The following NFAT5 variants were observed in gnomAD, a reference collection of about 807,000 sequenced individuals.
NFAT5 encodes the protein nuclear factor of activated T cells 5, also known as nuclear factor of activated T-cells 5.
A neutral mutation model predicts 166.5 loss-of-function variants in NFAT5; 31 were observed. That is an observed-to-expected ratio of 0.19 (90% CI 0.14 to 0.25). The LOEUF is 0.25. Among genes scored for constraint, NFAT5 ranks in the 10% least tolerant of loss-of-function variants. NFAT5 has a pLI of 1.00. For synonymous variants in NFAT5, 612 were observed against 639.7 expected (o/e 0.96, Z 0.65); for missense variants, 1,449 against 1,821.8 (o/e 0.80, Z 3.72).
chr16:69,583,446 C>G (rs1450563048), intron 2 of NFAT5, among the ~76,000 whole-genome samples: 1 of 152,030 alleles, frequency 6.6e-6, no homozygotes, highest in African/African-American at 2.4e-5. Flanking sequence ...AACTCTTGGC[C>G]TCAAGTGATC....
chr16:69,648,607 G>C, intron 4 of NFAT5: 1 of 983,696 alleles, frequency 1.0e-6, no homozygotes, highest in Non-Finnish European at 1.2e-6. Context: ...AATATTCACT[G>C]CTATAATGCA....
chr16:69,639,599 T>C (rs1368182015), intron 3 of NFAT5, among the ~76,000 whole-genome samples: 3 of 152,168 alleles, frequency 2.0e-5, no homozygotes, highest in Non-Finnish European at 4.4e-5. Flanking sequence ...ATCAAACATA[T>C]TATACAAAGT....
At chr16:69,568,426 G>T (rs964858354) in intron 1 of NFAT5, 69 bp from the exon 2 acceptor site, 9 of 1,044,482 alleles carry the variant, frequency 8.6e-6, no homozygotes, top group Non-Finnish European at 1.0e-5. Flanking sequence ...TATAAGAGAT[G>T]TATGCTATCC....
intron 9 of NFAT5, among the ~76,000 whole-genome samples, chr16:69,676,707 TAAAC>T (rs1356472373): frequency 1.3e-5 from 2 of 152,152 alleles, no homozygotes; most frequent in Non-Finnish European, 2.9e-5. Flanking sequence ...GTTATGGAAA[TAAAC>T]AAGATTATGT....
In NFAT5 at chr16:69,566,117, C is replaced by T. The variant is rs1475073213; in HGVS notation, c.-185C>T. 1.7e-5 allele frequency: 10 copies of T among 574,592 alleles called. No homozygotes were observed. The highest frequency in any genetic ancestry group is 2.7e-5 in the Non-Finnish European group (9 of 331,020). The allele number at this position is 574,592 out of a possible 1,614,324, so 35.6% of individuals were successfully genotyped here. A position where few individuals can be genotyped will look rare whatever the true frequency, so the allele number is the denominator to read the frequency against. ...AATCAGTCCCCGTGGAGTTCCCCCT[C>T]CACCTCGCCATCGTTTCCTCGGTCC... On this transcript the variant is annotated 5_prime_UTR_variant, in exon 1 of 15. Coordinates refer to ENST00000349945, the MANE Select transcript of NFAT5 (RefSeq NM_138713.4). The surrounding 1 kb of genome is among the most constrained non-coding windows in gnomAD (Gnocchi z 5.7).
chr16:69,570,121 AG>A (rs2016344744), intron 2 of NFAT5, among the ~76,000 whole-genome samples: 1 of 152,194 alleles, frequency 6.6e-6, no homozygotes, highest in East Asian at 1.9e-4. Flanking sequence ...ACAACCATTT[AG>A]CATGTTTATT....
intron 2 of NFAT5, among the ~76,000 whole-genome samples, chr16:69,599,695 A>G (rs1301018896): frequency 1.3e-5 from 2 of 152,236 alleles, no homozygotes; most frequent in Non-Finnish European, 1.5e-5. Context: ...TTGAACAGAC[A>G]TCTAAAGGAA....
At chr16:69,602,922 T>G (rs1466545393) in intron 2 of NFAT5, among the ~76,000 whole-genome samples, 1 of 152,124 alleles carries the variant, frequency 6.6e-6, no homozygotes, top group Non-Finnish European at 1.5e-5. Context: ...TGGTTATCTT[T>G]TTTTTAACCT....
chr16:69,672,794 T>C (rs915195684), intron 9 of NFAT5, among the ~76,000 whole-genome samples: 3 of 152,202 alleles, frequency 2.0e-5, no homozygotes, highest in Non-Finnish European at 2.9e-5. Flanking sequence ...CTTGACAAAT[T>C]AGTTAGATTA....
At chr16:69,638,577 A>C (rs1597449872) in intron 3 of NFAT5, among the ~76,000 whole-genome samples, 1 of 152,042 alleles carries the variant, frequency 6.6e-6, no homozygotes, top group African/African-American at 2.4e-5. Flanking sequence ...CTACTAAAAA[A>C]TACAAAAAAT....
At chr16:69,681,108 G>A (rs566581811) in intron 10 of NFAT5, among the ~76,000 whole-genome samples, 2 of 152,274 alleles carry the variant, frequency 1.3e-5, no homozygotes, top group East Asian at 3.9e-4. Flanking sequence ...CATGAGAAGT[G>A]TCTTGGAAGC....
In NFAT5 at chr16:69,647,155, C is replaced by T. The variant is rs745975686; in HGVS notation, c.381C>T (p.Ser127=). 4 of 1,613,978 alleles carry T rather than the reference C, an allele frequency of 2.5e-6. No individual in the cohort carries two copies. Among genetic ancestry groups the T allele is most frequent in the African/African-American group, 1.3e-5 (1 of 74,916 alleles). ...DSKAMQVESC[S]SAVGVSNRGV... ...AGGCTATGCAAGTGGAGAGCTGCTC[C>T]TCAGCCGTGGGGGTAAGTAACAGAG... Residue 127 remains serine, a synonymous_variant, in exon 4 of 15, where the codon TCC becomes TCT. Coordinates refer to ENST00000349945, the MANE Select transcript of NFAT5 (RefSeq NM_138713.4). This position sits in a 1 kb window ranked among gnomAD's most constrained non-coding sequence, Gnocchi z 4.8.
At chr16:69,573,766 T>G (rs536265843) in intron 2 of NFAT5, among the ~76,000 whole-genome samples, 37 of 152,290 alleles carry the variant, frequency 2.4e-4, no homozygotes, top group African/African-American at 7.9e-4. Context: ...TGATTTTAAT[T>G]TACTCTTGAC....
At chr16:69,580,708 T>C in intron 2 of NFAT5, among the ~76,000 whole-genome samples, 1 of 152,172 alleles carries the variant, frequency 6.6e-6, no homozygotes, top group Admixed American at 6.5e-5. Context: ...CAGGCTGGTG[T>C]GCAGTGGCAT....
At chr16:69,666,631 C>T (rs545393105) in intron 7 of NFAT5, among the ~76,000 whole-genome samples, 6,583 of 152,206 alleles carry the variant, frequency 0.043, 480 homozygotes, top group African/African-American at 0.15. Flanking sequence ...GATACCATCT[C>T]ACACCAGTTA....
rs1439364986 is a variant in NFAT5, at chr16:69,568,372, GTGTGTA to G, written c.74-121_74-116del. ...TGTGTGTGTGTGTGTGTGTGTGTGT[GTGTGTA>G]TATATATATATATATACACACACAC... is the stretch of plus-strand genomic sequence containing the variant. On this transcript the variant is annotated intron_variant, in intron 1 of 14. Coordinates refer to ENST00000349945, the MANE Select transcript of NFAT5 (RefSeq NM_138713.4). 5.1e-3 allele frequency: 2,009 copies of G among 393,268 alleles called. 8 individuals are homozygous for G. The highest frequency in any genetic ancestry group is 0.039 in the East Asian group (679 of 17,314). 24.4% of individuals were successfully genotyped at this position (393,268 alleles called of 1,614,324 possible). A position where few individuals can be genotyped will look rare whatever the true frequency, so the allele number is the denominator to read the frequency against.
chr16:69,613,750 C>T (rs1254222234), intron 2 of NFAT5, among the ~76,000 whole-genome samples: 1 of 152,158 alleles, frequency 6.6e-6, no homozygotes, highest in Non-Finnish European at 1.5e-5. Flanking sequence ...TTTATTAAAG[C>T]ACATACTGCA....
chr16:69,577,223 G>A (rs953043584), intron 2 of NFAT5, among the ~76,000 whole-genome samples: 4 of 151,928 alleles, frequency 2.6e-5, no homozygotes, highest in East Asian at 1.9e-4. Flanking sequence ...GAAAACAAAC[G>A]TCTATAAAGG....
At position 69,660,030 on chromosome 16, in the gene NFAT5, A is replaced by C. The variant is rs925180418; in HGVS notation, c.1369+131A>C. On this transcript the variant is annotated intron_variant, in intron 7 of 14. Coordinates refer to ENST00000349945, the MANE Select transcript of NFAT5 (RefSeq NM_138713.4). ...GATCATGCAAAATTTGAAATATTTT[A>C]AAAGCAGTAGTCAGATTTTCTAGAC... 30 of 775,106 alleles carry C rather than the reference A, an allele frequency of 3.9e-5. No homozygotes were observed. In the African/African-American group the frequency reaches 4.6e-4, roughly 12 times the overall value. The allele number at this position is 775,106 out of a possible 1,614,324, so 48.0% of individuals were successfully genotyped here. A position where few individuals can be genotyped will look rare whatever the true frequency, so the allele number is the denominator to read the frequency against.
Sources: gnomAD v4.1 joint callset for allele counts (sites outside exome capture counted in the v4.1 genomes callset) on GRCh38, gnomAD v4.1.1 for gene constraint, Gnocchi (gnomAD v3.1) non-coding constraint, MANE v1.5 for transcripts, NCBI Gene and HGNC (gene_info 2026-07-23, HGNC 2026-07-21) for gene names.